ABCC1: variants seen among roughly 807,000 people sequenced by gnomAD.
ABCC1 encodes multidrug resistance-associated protein 1.
Under a neutral mutation model 172.9 loss-of-function variants are expected in ABCC1, and 83 were observed. That is an observed-to-expected ratio of 0.48 (90% confidence interval 0.40 to 0.58). The LOEUF (loss-of-function observed/expected upper bound fraction) is 0.58. Ranked by LOEUF, ABCC1 falls within the 20% of genes least tolerant of loss-of-function variation. The pLI, the probability that ABCC1 is intolerant of heterozygous loss-of-function variation, is 0.00. For missense variants in ABCC1, 1,817 were observed against 2,002.7 expected, an observed-to-expected ratio of 0.91 and a Z score of 1.77; for synonymous variants, 937 against 825.2, an observed-to-expected ratio of 1.14 and a Z score of -2.32.
At chr16:16,020,974 G>A (rs562134821) in intron 5 of ABCC1, among the ~76,000 whole-genome samples, 1 of 152,312 alleles carries the variant, frequency 6.6e-6, no homozygotes, top group South Asian at 2.1e-4. Context: ...TCGCTTGGTT[G>A]TAACTGCTGA....
intron 1 of ABCC1, among the ~76,000 whole-genome samples, chr16:15,982,323 G>T (rs1354595480): frequency 1.3e-5 from 2 of 152,088 alleles, no homozygotes; most frequent in Non-Finnish European, 2.9e-5. Flanking sequence ...AAAGGGAAGA[G>T]ATTTAGTTGG....
At chr16:16,132,955 A>C (rs1348521106) in intron 27 of ABCC1, among the ~76,000 whole-genome samples, 2 of 152,152 alleles carry the variant, frequency 1.3e-5, no homozygotes, top group African/African-American at 2.4e-5. Context: ...GGCTCTTTCT[A>C]GTCAACCTGT....
At chr16:16,069,169 AAAATAAATAAATAAAT>A (rs56098532) in intron 13 of ABCC1, among the ~76,000 whole-genome samples, 52 of 107,512 alleles carry the variant, frequency 4.8e-4, no homozygotes, top group Admixed American at 9.7e-4. Context: ...AAATAAAATA[AAAATAAATAAATAAAT>A]AAATAAATAA....
chr16:16,031,432 G>A (rs2064105025), intron 5 of ABCC1, among the ~76,000 whole-genome samples: 1 of 152,152 alleles, frequency 6.6e-6, no homozygotes, highest in Non-Finnish European at 1.5e-5. Flanking sequence ...CCTGCATGTT[G>A]TTGACTTGGG....
intron 26 of ABCC1, among the ~76,000 whole-genome samples, chr16:16,127,413 C>T (rs2045486062): frequency 6.6e-6 from 1 of 152,138 alleles, no homozygotes; most frequent in Non-Finnish European, 1.5e-5. Context: ...TGCCCAGACT[C>T]ATCTTGATCT....
At chr16:16,078,856 T>G (rs2050692756) in intron 15 of ABCC1, among the ~76,000 whole-genome samples, 1 of 152,156 alleles carries the variant, frequency 6.6e-6, no homozygotes, top group South Asian at 2.1e-4. Context: ...TTTTTATATT[T>G]TTAGTAGAAA....
At chr16:16,104,762 C>T (rs966196939) in intron 20 of ABCC1, among the ~76,000 whole-genome samples, 4 of 152,266 alleles carry the variant, frequency 2.6e-5, no homozygotes, top group Non-Finnish European at 4.4e-5. Flanking sequence ...GAGCCCATAG[C>T]GGGGAGGTGG....
Position 16,124,903 on chromosome 16 carries a change from T to C in ABCC1, c.3705T>C (p.Ser1235=). Residue 1235 remains serine (S), a synonymous_variant, in exon 25 of 31, where the codon TCT becomes TCC. Coordinates refer to ENST00000399410, the MANE Select transcript of ABCC1 (RefSeq NM_004996.4). ...CTGGCTTGGTGGGCCTCTCAGTGTC[T>C]TACTCATTGCAGGTAAGAGGGGATG... is the stretch of plus-strand genomic sequence containing the variant. ...LSAGLVGLSV[S]YSLQVTTYLN... 1 of 1,614,228 alleles carries C rather than the reference T, an allele frequency of 6.2e-7. No homozygotes were observed. Among genetic ancestry groups the C allele is most frequent in the Non-Finnish European group, 8.5e-7 (1 of 1,180,034 alleles).
At chr16:15,976,785 A>G (rs528073109) in intron 1 of ABCC1, among the ~76,000 whole-genome samples, 1 of 152,188 alleles carries the variant, frequency 6.6e-6, no homozygotes, top group African/African-American at 2.4e-5. Flanking sequence ...TATCTTCCCA[A>G]CATTGTGTGC....
chr16:16,051,926 C>G (rs1400279521), intron 10 of ABCC1, among the ~76,000 whole-genome samples: 1 of 152,146 alleles, frequency 6.6e-6, no homozygotes, highest in Non-Finnish European at 1.5e-5. Flanking sequence ...TGCTTACTAC[C>G]TTATTACCTT....
In ABCC1 at chr16:16,015,714, C is replaced by T. The variant is rs45623032; in HGVS notation, c.490-782C>T. 6.2e-3 allele frequency among the ~76,000 whole-genome samples: 950 copies of T among 152,262 alleles called. 4 individuals are homozygous for T. Among genetic ancestry groups the T allele is most frequent in the Non-Finnish European group, 1.0e-2 (680 of 68,030 alleles). On this transcript the variant is annotated intron_variant, in intron 4 of 30. Transcript: ENST00000399410. ...TAATCGACATTTTGGATTGGAGACTCGTTGGTTGTAGGGGCTGTCCTGTGC... is the reference window on the plus strand; with the variant it reads ...TAATCGACATTTTGGATTGGAGACTTGTTGGTTGTAGGGGCTGTCCTGTGC...
At chr16:16,127,273 G>A (rs1238521869) in intron 26 of ABCC1, among the ~76,000 whole-genome samples, 1 of 152,176 alleles carries the variant, frequency 6.6e-6, no homozygotes. Flanking sequence ...GGGTTGGAGT[G>A]TAGTGCGATC....
chr16:16,137,434 G>A (rs1398911181), intron 29 of ABCC1, among the ~76,000 whole-genome samples: 1 of 151,790 alleles, frequency 6.6e-6, no homozygotes, highest in Non-Finnish European at 1.5e-5. Context: ...GTATTCTTTT[G>A]GCTGTCCTTA....
At chr16:16,107,671 C>T (rs1268729439) in intron 21 of ABCC1, among the ~76,000 whole-genome samples, 1 of 152,188 alleles carries the variant, frequency 6.6e-6, no homozygotes, top group African/African-American at 2.4e-5. Context: ...CTCAACCTAT[C>T]AACCACTATC....
chr16:16,134,649 T>TC (rs2152150323), intron 28 of ABCC1, 141 bp downstream of exon 28: 1 of 738,950 alleles, frequency 1.4e-6, no homozygotes, highest in South Asian at 2.0e-5. Context: ...TTTTTTTTTT[T>TC]TTCCTGAAAC....
intron 20 of ABCC1, chr16:16,105,541 T>C (rs2052044651): frequency 1.3e-5 from 2 of 152,156 alleles, no homozygotes; most frequent in Non-Finnish European, 2.9e-5. Flanking sequence ...AGGAAGTGTT[T>C]TCAGGGGACA....
intron 1 of ABCC1, among the ~76,000 whole-genome samples, chr16:16,004,657 C>CTTTT (rs66530759): frequency 1.8e-5 from 2 of 112,162 alleles, no homozygotes; most frequent in African/African-American, 3.3e-5. Context: ...GTAAGGTTTA[C>CTTTT]TTTTTTTTTT....
At chr16:15,956,301 A>G (rs551526327) in intron 1 of ABCC1, among the ~76,000 whole-genome samples, 5 of 151,926 alleles carry the variant, frequency 3.3e-5, no homozygotes, top group African/African-American at 1.2e-4. Context: ...GTAGGCGGAC[A>G]CTGCAGTGAG....
chr16:16,047,261 G>A (rs1008010487), intron 9 of ABCC1, among the ~76,000 whole-genome samples: 3 of 152,076 alleles, frequency 2.0e-5, no homozygotes, highest in East Asian at 1.9e-4. Context: ...GATTGCTGTG[G>A]TGGCACCCAG....
Sources: gnomAD v4.1 joint callset for allele counts (sites outside exome capture counted in the v4.1 genomes callset) on GRCh38, gnomAD v4.1.1 for gene constraint, MANE v1.5 for transcripts, NCBI Gene and HGNC (gene_info 2026-07-23, HGNC 2026-07-21) for gene names.